Variants in UCHL1 observed in about 807,000 individuals in gnomAD.
UCHL1 encodes the protein ubiquitin carboxyl-terminal hydrolase isozyme L1.
A neutral mutation model predicts 33.3 loss-of-function variants in UCHL1; 5 were observed. The observed-to-expected ratio is 0.15, with a 90% confidence interval of 0.08 to 0.32. The LOEUF (loss-of-function observed/expected upper bound fraction) is 0.32. UCHL1 is among the 10% of genes least tolerant of loss of function. UCHL1 has a pLI of 1.00. For synonymous variants in UCHL1, 132 were observed against 108.8 expected (o/e 1.21, Z -1.33); for missense variants, 236 against 280.0 (o/e 0.84, Z 1.12).
rs767689458 is a variant in UCHL1, at chr4:41,256,962, G to T, written c.-15G>T. The stretch of plus-strand genomic sequence containing the variant: ...TCGTCTTCCCTAGGCTATTTCTGCC[G>T]GGCGCTCCGCGAAGATGCAGCTCAA... On this transcript the variant is annotated 5_prime_UTR_variant, in exon 1 of 9. Coordinates refer to ENST00000284440, the MANE Select transcript of UCHL1 (RefSeq NM_004181.5). 5.6e-6 allele frequency: 9 copies of T among 1,614,152 alleles called. No homozygotes were observed. The highest frequency in any genetic ancestry group is 4.0e-5 in the African/African-American group (3 of 75,074).
At chr4:41,258,661 A>G (rs1180625830) in intron 3 of UCHL1, among the ~76,000 whole-genome samples, 3 of 152,190 alleles carry the variant, frequency 2.0e-5, no homozygotes, top group Non-Finnish European at 4.4e-5. Flanking sequence ...GCATCACTCT[A>G]AAGAGTGAGG....
At chr4:41,264,391 T>A (rs1446407495) in intron 8 of UCHL1, 1 of 590,492 alleles carries the variant, frequency 1.7e-6, no homozygotes, top group Non-Finnish European at 3.0e-6. Context: ...TGTGTTGTCT[T>A]TAGTCCACAG....
intron 3 of UCHL1, among the ~76,000 whole-genome samples, chr4:41,258,189 G>A (rs1488277221): frequency 6.6e-6 from 1 of 152,184 alleles, no homozygotes; most frequent in African/African-American, 2.4e-5. Context: ...GAAACAATTA[G>A]GTTCGCTAAT....
In UCHL1 at chr4:41,261,696, C is replaced by T; in HGVS notation, c.326-19C>T. On this transcript the variant is annotated intron_variant, in intron 4 of 8. Transcript: ENST00000284440. ...TTGTATTATTTTACCTATACTAACA[C>T]ATCCATTTTTTTTTTAAGAGGATGG... is the stretch of plus-strand genomic sequence containing the variant. The T allele has an allele frequency of 6.3e-7, 1 of 1,596,006 alleles. No individual in the cohort carries two copies. The highest frequency in any genetic ancestry group is 1.1e-5 in the South Asian group (1 of 90,224).
chr4:41,260,548 ATC>A, intron 3 of UCHL1, 97 bp from the exon 4 acceptor site: 1 of 1,432,412 alleles, frequency 7.0e-7, no homozygotes, highest in Non-Finnish European at 9.6e-7. Flanking sequence ...CTGGTCACAC[ATC>A]CCACTGGTGT....
chr4:41,260,441 C>T (rs749962406), intron 3 of UCHL1, among the ~76,000 whole-genome samples: 5 of 152,144 alleles, frequency 3.3e-5, no homozygotes, highest in South Asian at 2.1e-4. Context: ...GTGGAGTCTC[C>T]GAACCTCTCA....
chr4:41,259,098 T>A (rs974318599), intron 3 of UCHL1, among the ~76,000 whole-genome samples: 1 of 152,226 alleles, frequency 6.6e-6, no homozygotes, highest in African/African-American at 2.4e-5. Flanking sequence ...GTTTGTGTTA[T>A]GTTTGAAAGA....
At chr4:41,260,060 C>T (rs1781046221) in intron 3 of UCHL1, among the ~76,000 whole-genome samples, 1 of 152,200 alleles carries the variant, frequency 6.6e-6, no homozygotes, top group South Asian at 2.1e-4. Flanking sequence ...AAATCACAGC[C>T]CAATACCCTG....
chr4:41,265,015 A>G (rs1373457679), intron 8 of UCHL1, among the ~76,000 whole-genome samples: 2 of 152,226 alleles, frequency 1.3e-5, no homozygotes, highest in East Asian at 1.9e-4. Flanking sequence ...CTCTGTTGCA[A>G]GTATTCAGTT....
At chr4:41,259,729 A>AT in intron 3 of UCHL1, among the ~76,000 whole-genome samples, 1 of 152,174 alleles carries the variant, frequency 6.6e-6, no homozygotes, top group East Asian at 1.9e-4. Flanking sequence ...TTATATTTTT[A>AT]TTTTTTAGAG....
intron 7 of UCHL1, among the ~76,000 whole-genome samples, chr4:41,263,867 A>G (rs1781112396): frequency 6.6e-6 from 1 of 152,152 alleles, no homozygotes. Flanking sequence ...AGGCCCCTCT[A>G]TTAGGGTAGC....
intron 8 of UCHL1, among the ~76,000 whole-genome samples, chr4:41,265,753 C>T (rs548038455): frequency 2.0e-5 from 3 of 152,264 alleles, no homozygotes; most frequent in African/African-American, 7.2e-5. Flanking sequence ...GTTGATTTCT[C>T]TCATCTGTCA....
intron 6 of UCHL1, 127 bp downstream of exon 6, chr4:41,262,050 GT>G (rs1781078590): frequency 7.5e-7 from 1 of 1,333,452 alleles, no homozygotes; most frequent in South Asian, 1.3e-5. Flanking sequence ...ACACCAGAAA[GT>G]TCTACCCAAA....
At chr4:41,257,219 C>A in intron 2 of UCHL1, 93 bp downstream of exon 2, 1 of 1,594,930 alleles carries the variant, frequency 6.3e-7, no homozygotes, top group Non-Finnish European at 8.6e-7. Context: ...GGGACCAAGC[C>A]GCCCGCTGCG....
At chr4:41,257,393 A>G in intron 2 of UCHL1, 4 of 882,706 alleles carry the variant, frequency 4.5e-6, no homozygotes, top group Non-Finnish European at 4.9e-6. Flanking sequence ...CGGGCAGCAC[A>G]GACTCGGCTG....
In UCHL1 at chr4:41,268,027, A is replaced by C; in HGVS notation, c.626A>C (p.Gln209Pro). Residue 209 changes from glutamine (Q) to proline (P), a missense_variant, in exon 9 of 9, where the codon CAA (glutamine) becomes CCA (proline). Physicochemically the swap from Gln to Pro is moderately conservative, Grantham distance 76. Coordinates refer to ENST00000284440, the MANE Select transcript of UCHL1 (RefSeq NM_004181.5). ...KVCREFTERE[Q>P]GEVRFSAVAL... Reference sequence around the variant, plus strand: ...TGCAGAGAATTCACCGAGCGTGAGCAAGGAGAAGTCCGCTTCTCTGCCGTG... The same window carrying C: ...TGCAGAGAATTCACCGAGCGTGAGCCAGGAGAAGTCCGCTTCTCTGCCGTG... 1 of 1,613,750 alleles carries C rather than the reference A, an allele frequency of 6.2e-7. No homozygotes were observed. The highest frequency in any genetic ancestry group is 1.1e-5 in the South Asian group (1 of 90,818).
chr4:41,261,842 G>T (rs772952946), intron 5 of UCHL1, 34 bp from the exon 6 acceptor site: 1 of 1,614,124 alleles, frequency 6.2e-7, no homozygotes, highest in Non-Finnish European at 8.5e-7. Flanking sequence ...TAACTCTAGA[G>T]ATTTTTGTGC....
intron 4 of UCHL1, 26 bp downstream of exon 4, chr4:41,260,823 A>G (rs1297992786): frequency 6.2e-7 from 1 of 1,614,070 alleles, no homozygotes; most frequent in Middle Eastern, 1.7e-4. Context: ...GAGGCCAGCC[A>G]TCCTAAGCTT....
intron 3 of UCHL1, among the ~76,000 whole-genome samples, chr4:41,259,503 T>C (rs980485109): frequency 1.3e-5 from 2 of 152,220 alleles, no homozygotes; most frequent in East Asian, 3.9e-4. Flanking sequence ...AAAGTTCTGC[T>C]AGTTGGAGTT....
Sources: gnomAD v4.1 joint callset for allele counts (sites outside exome capture counted in the v4.1 genomes callset) on GRCh38, gnomAD v4.1.1 for gene constraint, MANE v1.5 for transcripts, NCBI Gene and HGNC (gene_info 2026-07-23, HGNC 2026-07-21) for gene names.